PRMT3: variants seen among roughly 807,000 people sequenced by gnomAD.
The protein encoded by PRMT3 is protein arginine methyltransferase 3.
PRMT3 carries 62 observed loss-of-function variants against 71.9 expected under a neutral mutation model. That is an observed-to-expected ratio of 0.86 (90% CI 0.70 to 1.07). The LOEUF (loss-of-function observed/expected upper bound fraction) is 1.07, where lower values mean the gene tolerates loss of function less well. Ranked by LOEUF, PRMT3 falls within the 50% of genes least tolerant of loss-of-function variation. PRMT3 has a pLI of 0.00. For missense variants in PRMT3, 663 were observed against 643.0 expected, an observed-to-expected ratio of 1.03 and a Z score of -0.34; for synonymous variants, 213 against 220.4, an observed-to-expected ratio of 0.97 and a Z score of 0.30.
At position 20,419,270 on chromosome 11, in the gene PRMT3, T is replaced by C. The variant is rs1189284148; in HGVS notation, c.894-7496T>C. Among the ~76,000 whole-genome samples, 3 of 152,234 alleles carry C rather than the reference T, an allele frequency of 2.0e-5. No individual in the cohort carries two copies. The East Asian group carries it at 5.8e-4, about 29-fold the overall frequency. On this transcript the variant is annotated intron_variant, in intron 9 of 15. Coordinates refer to ENST00000331079, the MANE Select transcript of PRMT3 (RefSeq NM_005788.4). ...GATTGCTAATGAAACTGAGCACCTTTTCATGTGATTGTTAGCAATTTGGAT... is the reference window on the plus strand; with the variant it reads ...GATTGCTAATGAAACTGAGCACCTTCTCATGTGATTGTTAGCAATTTGGAT...
At chr11:20,440,453 G>A (rs1849862596) in intron 10 of PRMT3, among the ~76,000 whole-genome samples, 1 of 144,958 alleles carries the variant, frequency 6.9e-6, no homozygotes, top group Non-Finnish European at 1.5e-5. Flanking sequence ...AGACCATCCT[G>A]GCTAACACGG....
chr11:20,448,263 G>A (rs763105026), intron 10 of PRMT3, among the ~76,000 whole-genome samples: 15 of 152,046 alleles, frequency 9.9e-5, no homozygotes, highest in African/African-American at 2.9e-4. Context: ...CTCAAAGAAT[G>A]CTGGCAAACG....
intron 15 of PRMT3, among the ~76,000 whole-genome samples, chr11:20,506,895 T>C (rs1851603764): frequency 6.6e-6 from 1 of 152,228 alleles, no homozygotes; most frequent in South Asian, 2.1e-4. Context: ...AGTACATAGA[T>C]AAAAATTTGG....
chr11:20,410,558 A>T (rs1027159222), intron 9 of PRMT3, among the ~76,000 whole-genome samples: 1 of 152,118 alleles, frequency 6.6e-6, no homozygotes, highest in Non-Finnish European at 1.5e-5. Flanking sequence ...GAAAATATTT[A>T]AAAATATTAT....
chr11:20,476,772 A>G (rs1850799466), intron 13 of PRMT3, among the ~76,000 whole-genome samples: 1 of 151,916 alleles, frequency 6.6e-6, no homozygotes, highest in South Asian at 2.1e-4. Flanking sequence ...TATCTCTTTA[A>G]CCAGTTTGAT....
chr11:20,458,246 GTTAT>G (rs1850311279), intron 11 of PRMT3, among the ~76,000 whole-genome samples: 1 of 151,962 alleles, frequency 6.6e-6, no homozygotes. Flanking sequence ...TTACTCTGTG[GTTAT>G]TTATACAAAC....
At chr11:20,474,609 A>G (rs1315273164) in intron 13 of PRMT3, among the ~76,000 whole-genome samples, 2 of 152,186 alleles carry the variant, frequency 1.3e-5, no homozygotes, top group African/African-American at 4.8e-5. Context: ...CCTAGGTGCA[A>G]AGATCCATGG....
intron 10 of PRMT3, among the ~76,000 whole-genome samples, chr11:20,451,669 C>A (rs138412015): frequency 6.6e-6 from 1 of 152,074 alleles, no homozygotes; most frequent in East Asian, 1.9e-4. Context: ...CTTGGCTCTA[C>A]ACAGTAGATG....
intron 15 of PRMT3, among the ~76,000 whole-genome samples, chr11:20,499,353 G>A (rs1010090192): frequency 1.3e-5 from 2 of 152,162 alleles, no homozygotes; most frequent in Admixed American, 6.6e-5. Context: ...CAGGCGTGGT[G>A]GTTCATGCCT....
chr11:20,422,311 C>A (rs990312282), intron 9 of PRMT3, among the ~76,000 whole-genome samples: 1 of 152,022 alleles, frequency 6.6e-6, no homozygotes, highest in African/African-American at 2.4e-5. Context: ...TGAATACTCT[C>A]AGAACATAGT....
chr11:20,422,554 C>T (rs1849450350), intron 9 of PRMT3, among the ~76,000 whole-genome samples: 2 of 152,164 alleles, frequency 1.3e-5, no homozygotes, highest in South Asian at 2.1e-4. Flanking sequence ...TTCCCCTCTG[C>T]GTACTATTCC....
At chr11:20,415,017 G>GGTT (rs1555009385) in intron 9 of PRMT3, among the ~76,000 whole-genome samples, 3 of 135,316 alleles carry the variant, frequency 2.2e-5, no homozygotes, top group Non-Finnish European at 3.3e-5. Context: ...TGGTGGTAGT[G>GGTT]GTGTGTGTGT....
chr11:20,489,608 A>C (rs1452780937), intron 13 of PRMT3, among the ~76,000 whole-genome samples: 1 of 152,172 alleles, frequency 6.6e-6, no homozygotes, highest in South Asian at 2.1e-4. Flanking sequence ...CTGTAATTGA[A>C]AATAGTGGCA....
intron 13 of PRMT3, among the ~76,000 whole-genome samples, chr11:20,490,263 GA>G (rs1201258014): frequency 1.5e-4 from 23 of 152,058 alleles, no homozygotes; most frequent in African/African-American, 5.1e-4. Flanking sequence ...TGTGCTTGAA[GA>G]CTCAAAGATA....
chr11:20,480,213 G>A (rs752466307), intron 13 of PRMT3, among the ~76,000 whole-genome samples: 16 of 152,124 alleles, frequency 1.1e-4, no homozygotes, highest in Non-Finnish European at 1.9e-4. Context: ...GGAGTGGTCC[G>A]TATCTTGATC....
At position 20,391,069 on chromosome 11, in the gene PRMT3, G is replaced by A. The variant is rs948498856; in HGVS notation, c.248-1142G>A. On this transcript the variant is annotated intron_variant, in intron 3 of 15. Coordinates refer to ENST00000331079, the MANE Select transcript of PRMT3 (RefSeq NM_005788.4). ...CGTCTCAAAAAAAAAAAAATAATAG[G>A]TTTTTTGGTCCCTATATTTGTTGAC... Among the ~76,000 whole-genome samples the A allele has an allele frequency of 7.9e-5, 12 of 151,594 alleles. 1 individual carries two copies. Among genetic ancestry groups the A allele is most frequent in the African/African-American group, 2.9e-4 (12 of 41,326 alleles).
intron 15 of PRMT3, among the ~76,000 whole-genome samples, chr11:20,504,745 A>AGAGAGAGAGAGAGAGCGC (rs1491497481): frequency 7.1e-6 from 1 of 141,142 alleles, no homozygotes; most frequent in African/African-American, 2.6e-5. Flanking sequence ...AGAGAGAGAG[A>AGAGAGAGAGAGAGAGCGC]GCGAGAGCGA....
At chr11:20,423,990 C>T (rs113879321) in intron 9 of PRMT3, among the ~76,000 whole-genome samples, 4,400 of 151,032 alleles carry the variant, frequency 0.029, 68 homozygotes, top group Middle Eastern at 0.045. Context: ...CGAGACCATC[C>T]TGGCTAACAC....
In PRMT3 at chr11:20,387,995, C is replaced by T; in HGVS notation, c.29-24C>T. 6.2e-7 allele frequency: 1 copy of T among 1,613,348 alleles called. No individual in the cohort carries two copies. The highest frequency in any genetic ancestry group is 8.5e-7 in the Non-Finnish European group (1 of 1,179,716). Reference sequence around the variant, plus strand: ...GGCCGCACCGGTGTCCGAGGCCGATCTGATTGTTGTGTGTGTGTGTTAGGC... The same window carrying T: ...GGCCGCACCGGTGTCCGAGGCCGATTTGATTGTTGTGTGTGTGTGTTAGGC... On this transcript the variant is annotated intron_variant, in intron 1 of 15. Coordinates refer to ENST00000331079, the MANE Select transcript of PRMT3 (RefSeq NM_005788.4). This position sits in a 1 kb window ranked among gnomAD's most constrained non-coding sequence, Gnocchi z 4.3.
Sources: allele counts gnomAD v4.1 joint callset (sites outside exome capture counted in the v4.1 genomes callset), GRCh38; gene constraint gnomAD v4.1.1; non-coding constraint Gnocchi (gnomAD v3.1); transcripts MANE v1.5; gene names NCBI Gene and HGNC (gene_info 2026-07-23, HGNC 2026-07-21).